Variants in OPCML observed in about 807,000 individuals in gnomAD.
OPCML encodes opioid-binding protein/cell adhesion molecule.
OPCML carries 13 observed loss-of-function variants against 37.8 expected under a neutral mutation model. That is an observed-to-expected ratio of 0.34 (90% CI 0.22 to 0.55). The LOEUF is 0.55. OPCML is among the 20% of genes least tolerant of loss of function. The pLI is 0.91. For missense variants in OPCML, 341 were observed against 435.6 expected (o/e 0.78, Z 1.93); for synonymous variants, 176 against 168.8 (o/e 1.04, Z -0.33).
chr11:133,399,560 G>A (rs183425524), intron 1 of OPCML, among the ~76,000 whole-genome samples: 5 of 152,250 alleles, frequency 3.3e-5, no homozygotes, highest in Admixed American at 2.6e-4. Flanking sequence ...CAGCCTGTCT[G>A]TGAATCCTCA....
At chr11:132,801,627 T>C (rs1938652815) in intron 2 of OPCML, among the ~76,000 whole-genome samples, 1 of 152,248 alleles carries the variant, frequency 6.6e-6, no homozygotes, top group Non-Finnish European at 1.5e-5. Context: ...TCTGAAACTA[T>C]TATTTTAAAC....
At chr11:133,449,508 A>T (rs1283747468) in intron 1 of OPCML, among the ~76,000 whole-genome samples, 2 of 152,216 alleles carry the variant, frequency 1.3e-5, no homozygotes, top group African/African-American at 4.8e-5. Context: ...GCTTAATAGG[A>T]CAAACATTTG....
Position 132,947,622 on chromosome 11 carries a change from G to T in OPCML, c.62-4612C>A, listed in dbSNP as rs376282935. ...AGTCTGTGCATTTATAGAATATAAG[G>T]CTGAGACCAAATTGAAATTAGAAAC... On this transcript the variant is annotated intron_variant, in intron 1 of 7. Transcript: ENST00000524381. Among the ~76,000 whole-genome samples, 81 of 152,314 alleles carry T rather than the reference G, an allele frequency of 5.3e-4. No individual in the cohort carries two copies. In the Middle Eastern group the frequency reaches 0.017, roughly 32 times the overall value.
At chr11:133,270,096 C>A (rs2136477857) in intron 1 of OPCML, among the ~76,000 whole-genome samples, 1 of 152,280 alleles carries the variant, frequency 6.6e-6, no homozygotes, top group African/African-American at 2.4e-5. Flanking sequence ...CTAAGAATGA[C>A]AGCAAAGACA....
intron 2 of OPCML, among the ~76,000 whole-genome samples, chr11:132,748,397 C>G (rs921079151): frequency 6.6e-6 from 1 of 152,128 alleles, no homozygotes; most frequent in Admixed American, 6.5e-5. Context: ...GAGACACAGC[C>G]GTGACTACAA....
At chr11:133,407,065 G>C (rs1945542118) in intron 1 of OPCML, among the ~76,000 whole-genome samples, 1 of 152,110 alleles carries the variant, frequency 6.6e-6, no homozygotes, top group Non-Finnish European at 1.5e-5. Context: ...ATTCGCCTTT[G>C]AACTGCTAAG....
chr11:133,491,543 A>G (rs550134348), intron 1 of OPCML, among the ~76,000 whole-genome samples: 2 of 152,168 alleles, frequency 1.3e-5, no homozygotes, highest in East Asian at 3.9e-4. Flanking sequence ...CCTGCTTTCT[A>G]TTTCCACTAA....
rs1191980236 is a variant in OPCML at position 132,688,944 on chromosome 11, G to A, written c.147-31625C>T. ...CGCAGTCCGGCCTGGGCGACAGAGCGAGACTCCGTCTCAAAAAAAAAAAAA... is the reference window on the plus strand; with the variant it reads ...CGCAGTCCGGCCTGGGCGACAGAGCAAGACTCCGTCTCAAAAAAAAAAAAA... On this transcript the variant is annotated intron_variant, in intron 2 of 7. Transcript: ENST00000524381. Among the ~76,000 whole-genome samples, 11 of 20,950 alleles carry A rather than the reference G, an allele frequency of 5.3e-4. 4 individuals are homozygous for A. Among genetic ancestry groups the A allele is most frequent in the Non-Finnish European group, 8.0e-4 (10 of 12,514 alleles). The allele number at this position is 20,950 out of a possible 152,430, so 13.7% of individuals were successfully genotyped here. A position where few individuals can be genotyped will look rare whatever the true frequency, so the allele number is the denominator to read the frequency against.
At chr11:133,041,615 C>T (rs985695712) in intron 1 of OPCML, among the ~76,000 whole-genome samples, 1 of 152,198 alleles carries the variant, frequency 6.6e-6, no homozygotes, top group Admixed American at 6.5e-5. Context: ...GCTCTTAACT[C>T]TAAGATGACT....
chr11:133,175,041 C>G (rs1015229227), intron 1 of OPCML, among the ~76,000 whole-genome samples: 2 of 151,852 alleles, frequency 1.3e-5, no homozygotes, highest in Admixed American at 1.3e-4. Context: ...GAGGTTGAGG[C>G]TACAGTAAGC....
chr11:132,609,288 G>T (rs1444765535), intron 3 of OPCML, among the ~76,000 whole-genome samples: 3 of 152,172 alleles, frequency 2.0e-5, no homozygotes, highest in Non-Finnish European at 4.4e-5. Flanking sequence ...CCGGTTTAAA[G>T]AAAATGAGAA....
chr11:133,343,877 A>C (rs999903202), intron 1 of OPCML, among the ~76,000 whole-genome samples: 12 of 152,190 alleles, frequency 7.9e-5, no homozygotes, highest in African/African-American at 2.9e-4. Flanking sequence ...CAATTTAAAC[A>C]CAGTCATTAT....
At chr11:133,394,046 C>G (rs896594566) in intron 1 of OPCML, among the ~76,000 whole-genome samples, 1 of 152,196 alleles carries the variant, frequency 6.6e-6, no homozygotes, top group Non-Finnish European at 1.5e-5. Context: ...GTACAACTCA[C>G]CAGCCCCTCA....
intron 2 of OPCML, among the ~76,000 whole-genome samples, chr11:132,852,840 G>A (rs562065892): frequency 4.6e-5 from 7 of 151,670 alleles, no homozygotes; most frequent in Non-Finnish European, 7.4e-5. Flanking sequence ...AAGGCCTGCC[G>A]CCTGTGTTTT....
intron 4 of OPCML, among the ~76,000 whole-genome samples, chr11:132,509,146 T>C (rs1214541148): frequency 6.6e-6 from 1 of 152,192 alleles, no homozygotes; most frequent in East Asian, 1.9e-4. Flanking sequence ...GCAAAGACAC[T>C]GGTGGCATTT....
rs369027857 is a variant in OPCML, at chr11:133,530,664, TAAC to T, written c.61+1597_61+1599del. Reference sequence around the variant, plus strand: ...CCTAGGATGCTGCTGGAATCTGGAATAACAACAACAGCAACCCCCACTCTGAAC... The same window carrying T: ...CCTAGGATGCTGCTGGAATCTGGAATAACAACAGCAACCCCCACTCTGAAC... On this transcript the variant is annotated intron_variant, in intron 1 of 7. Transcript: ENST00000524381. 3.1e-4 allele frequency among the ~76,000 whole-genome samples: 47 copies of T among 152,298 alleles called. No homozygotes were observed. In the East Asian group the frequency reaches 7.7e-3, roughly 25 times the overall value.
chr11:132,447,920 G>A (rs2096059624), intron 4 of OPCML, among the ~76,000 whole-genome samples: 1 of 152,200 alleles, frequency 6.6e-6, no homozygotes, highest in East Asian at 1.9e-4. Context: ...ACTCTTCTCT[G>A]GAAGACAGAC....
chr11:132,709,872 AC>A (rs1944188250), intron 2 of OPCML, among the ~76,000 whole-genome samples: 1 of 151,938 alleles, frequency 6.6e-6, no homozygotes, highest in Non-Finnish European at 1.5e-5. Flanking sequence ...TTTGATTTTT[AC>A]CCCCTAATTT....
intron 4 of OPCML, among the ~76,000 whole-genome samples, chr11:132,467,034 G>A (rs1397162202): frequency 6.6e-6 from 1 of 152,158 alleles, no homozygotes; most frequent in Non-Finnish European, 1.5e-5. Context: ...GCTGAGAAGT[G>A]TAAAACTAAA....
Sources: allele counts gnomAD v4.1 joint callset (sites outside exome capture counted in the v4.1 genomes callset), GRCh38; gene constraint gnomAD v4.1.1; transcripts MANE v1.5; gene names NCBI Gene and HGNC (gene_info 2026-07-23, HGNC 2026-07-21).